Variants in NUP93 observed in about 807,000 individuals in gnomAD.
The protein encoded by NUP93 is nucleoporin 93, also known as nuclear pore complex protein Nup93.
A neutral mutation model predicts 107.8 loss-of-function variants in NUP93; 55 were observed. The ratio of observed to expected loss-of-function variants is 0.51; its 90% CI spans 0.41 to 0.64. The LOEUF (loss-of-function observed/expected upper bound fraction) is 0.64, where lower values mean the gene tolerates loss of function less well. Ranked by LOEUF, NUP93 falls within the 30% of genes least tolerant of loss-of-function variation. NUP93 has a pLI of 0.00. For synonymous variants in NUP93, 390 were observed against 397.5 expected (o/e 0.98, Z 0.22); for missense variants, 937 against 1,044.7 (o/e 0.90, Z 1.42).
At chr16:56,769,069 A>G (rs1373306856) in intron 3 of NUP93, among the ~76,000 whole-genome samples, 1 of 152,176 alleles carries the variant, frequency 6.6e-6, no homozygotes, top group Non-Finnish European at 1.5e-5. Flanking sequence ...TACAGAGGCT[A>G]GATATGCCAG....
chr16:56,801,633 G>A (rs1963023460), intron 4 of NUP93, among the ~76,000 whole-genome samples: 1 of 152,136 alleles, frequency 6.6e-6, no homozygotes, highest in African/African-American at 2.4e-5. Flanking sequence ...GGCTGGTCTC[G>A]AACTGCTGAC....
At chr16:56,822,564 C>T (rs138420876) in intron 7 of NUP93, among the ~76,000 whole-genome samples, 5 of 126,970 alleles carry the variant, frequency 3.9e-5, no homozygotes, top group East Asian at 2.3e-4. Flanking sequence ...CTTTTCTTTT[C>T]TTTTTTTTTT....
At chr16:56,779,806 T>A (rs1962479907) in intron 3 of NUP93, among the ~76,000 whole-genome samples, 1 of 152,166 alleles carries the variant, frequency 6.6e-6, no homozygotes. Flanking sequence ...TAACAGTGAC[T>A]TGGTGAAGTT....
chr16:56,767,760 G>A lies in NUP93; in HGVS notation c.297+9105G>A, dbSNP rs572099824. Among the ~76,000 whole-genome samples the A allele has an allele frequency of 7.9e-5, 12 of 152,244 alleles. No individual in the cohort carries two copies. In the South Asian group the frequency reaches 1.2e-3, roughly 16 times the overall value. ...TCAGTCTTTCTCAACAGGAGGACCC[G>A]TCTCTAAATGAGCAGGGCCTGGCGG... On this transcript the variant is annotated intron_variant, in intron 3 of 21. Transcript: ENST00000308159.
intron 4 of NUP93, among the ~76,000 whole-genome samples, chr16:56,802,401 GT>G (rs1963041285): frequency 6.8e-6 from 1 of 147,526 alleles, no homozygotes; most frequent in South Asian, 2.1e-4. Flanking sequence ...AGAAGCAAAG[GT>G]TTTTCTCGGT....
chr16:56,841,528 C>A, intron 20 of NUP93, 177 bp from the exon 21 acceptor site: 1 of 690,838 alleles, frequency 1.4e-6, no homozygotes. Flanking sequence ...GGGTTTTTTT[C>A]TCACACTTGA....
In NUP93 at chr16:56,756,850, T is replaced by A. The variant is rs139554311; in HGVS notation, c.180-1688T>A. Among the ~76,000 whole-genome samples, 6 of 152,322 alleles carry A rather than the reference T, an allele frequency of 3.9e-5. No homozygotes were observed. The East Asian group carries it at 9.7e-4, about 25-fold the overall frequency. On this transcript the variant is annotated intron_variant, in intron 2 of 21. Coordinates refer to ENST00000308159, the MANE Select transcript of NUP93 (RefSeq NM_014669.5). ...AATCGCCATTCTGATTGGCATGAGA[T>A]GGTATCTCATTGTGGTTTTGATTTG...
intron 3 of NUP93, among the ~76,000 whole-genome samples, chr16:56,771,884 G>C (rs1008495237): frequency 6.6e-6 from 1 of 152,202 alleles, no homozygotes; most frequent in Admixed American, 6.5e-5. Context: ...GGAACTTTAG[G>C]TGGACTGGAA....
chr16:56,816,550 A>G (rs1178421932), intron 5 of NUP93, among the ~76,000 whole-genome samples: 1 of 152,152 alleles, frequency 6.6e-6, no homozygotes, highest in Admixed American at 6.5e-5. Flanking sequence ...ATTTGCATTC[A>G]AGGCAGAAAG....
At position 56,829,023 on chromosome 16, in the gene NUP93, G is replaced by A. The variant is rs1468059115; in HGVS notation, c.841G>A (p.Ala281Thr). ...LVTVFGNLHQAQLGGVPGTYQ... is the reference protein window; with the variant it reads ...LVTVFGNLHQTQLGGVPGTYQ... ...GACTGTCTTTGGAAATTTGCATCAGGCCCAGCTGGGCGGGGTGCCTGGGAC... is the reference window on the plus strand; with the variant it reads ...GACTGTCTTTGGAAATTTGCATCAGACCCAGCTGGGCGGGGTGCCTGGGAC... Residue 281 changes from alanine to threonine, a missense_variant, in exon 9 of 22, where the codon GCC becomes ACC. Ala to Thr is a moderately conservative substitution (Grantham distance 58). Transcript: ENST00000308159. The A allele has an allele frequency of 6.2e-7, 1 of 1,613,548 alleles. No homozygotes were observed. The highest frequency in any genetic ancestry group is 1.3e-5 in the African/African-American group (1 of 74,906).
chr16:56,841,949 C>A, intron 21 of NUP93, 116 bp downstream of exon 21: 1 of 1,261,614 alleles, frequency 7.9e-7, no homozygotes, highest in Non-Finnish European at 1.1e-6. Context: ...CAGTACCTGG[C>A]AGCTGGATAA....
intron 17 of NUP93, 21 bp downstream of exon 17, chr16:56,836,738 T>C (rs1255740194): frequency 1.4e-6 from 2 of 1,480,834 alleles, no homozygotes; most frequent in African/African-American, 1.4e-5. Context: ...CCCACTTCCT[T>C]CTTTTGCACT....
intron 5 of NUP93, 90 bp downstream of exon 5, chr16:56,805,722 G>T: frequency 7.4e-7 from 1 of 1,359,288 alleles, no homozygotes; most frequent in Non-Finnish European, 1.0e-6. Context: ...TGGCACAGTG[G>T]ATCACTGTCT....
At chr16:56,771,123 TG>T (rs1962314573) in intron 3 of NUP93, among the ~76,000 whole-genome samples, 1 of 152,198 alleles carries the variant, frequency 6.6e-6, no homozygotes, top group South Asian at 2.1e-4. Flanking sequence ...TCTGTGACTT[TG>T]TCCTAATTTG....
chr16:56,734,560 G>A (rs1961582720), intron 1 of NUP93, among the ~76,000 whole-genome samples: 1 of 152,110 alleles, frequency 6.6e-6, no homozygotes, highest in Non-Finnish European at 1.5e-5. Flanking sequence ...GTGGTGTGGA[G>A]AACAGACTGG....
intron 3 of NUP93, among the ~76,000 whole-genome samples, chr16:56,785,456 A>G (rs753311058): frequency 1.1e-4 from 16 of 151,570 alleles, no homozygotes; most frequent in Middle Eastern, 3.4e-3. Flanking sequence ...CAATCTGGAA[A>G]CTCTTCAGTT....
intron 3 of NUP93, among the ~76,000 whole-genome samples, chr16:56,765,358 G>C (rs1962198122): frequency 6.6e-6 from 1 of 152,106 alleles, no homozygotes; most frequent in South Asian, 2.1e-4. Flanking sequence ...TTTCTTTTGA[G>C]TTTTTAGAGG....
rs566489803 is a variant in NUP93 at position 56,834,332 on chromosome 16, G to T, written c.1665-38G>T. 2.4e-5 allele frequency: 38 copies of T among 1,613,980 alleles called. 1 individual carries two copies. In the South Asian group the frequency reaches 4.0e-4, roughly 17 times the overall value. ...TGAGAATGACTATTAGAGACCTCATGTCCAGACTGGAAACTGAGTTGTTTA... is the reference window on the plus strand; with the variant it reads ...TGAGAATGACTATTAGAGACCTCATTTCCAGACTGGAAACTGAGTTGTTTA... On this transcript the variant is annotated intron_variant, in intron 14 of 21. Transcript: ENST00000308159.
chr16:56,784,242 C>T (rs1962577898), intron 3 of NUP93, among the ~76,000 whole-genome samples: 1 of 152,094 alleles, frequency 6.6e-6, no homozygotes. Context: ...GTCTGTTTTC[C>T]ATTCCTGAAA....
Sources: gnomAD v4.1 joint callset for allele counts (sites outside exome capture counted in the v4.1 genomes callset) on GRCh38, gnomAD v4.1.1 for gene constraint, MANE v1.5 for transcripts, NCBI Gene and HGNC (gene_info 2026-07-23, HGNC 2026-07-21) for gene names.